The following CNTN5 variants were observed in gnomAD, a reference collection of about 807,000 sequenced individuals.
The protein encoded by CNTN5 is contactin 5.
In CNTN5, 77 loss-of-function variants were observed where a neutral mutation model predicts 129.1. The observed-to-expected ratio is 0.60, with a 90% CI of 0.50 to 0.72. The LOEUF is 0.72. CNTN5 is among the 30% of genes least tolerant of loss of function. The pLI is 0.00. For synonymous variants in CNTN5, 509 were observed against 465.6 expected (o/e 1.09, Z -1.20); for missense variants, 1,478 against 1,328.8 (o/e 1.11, Z -1.75).
intron 1 of CNTN5, among the ~76,000 whole-genome samples, chr11:99,068,645 C>G (rs1865206072): frequency 6.6e-6 from 1 of 151,970 alleles, no homozygotes; most frequent in Non-Finnish European, 1.5e-5. Context: ...GCGAAGAGCC[C>G]CAGAGAAATT....
intron 3 of CNTN5, among the ~76,000 whole-genome samples, chr11:99,669,839 TC>T (rs1387085810): frequency 6.6e-6 from 1 of 152,158 alleles, no homozygotes; most frequent in Non-Finnish European, 1.5e-5. Context: ...TGACATTTTC[TC>T]ATTCAACACC....
In CNTN5 at chr11:99,409,273, G is replaced by C. The variant is rs141246817; in HGVS notation, c.-71+83789G>C. 7.1e-3 allele frequency among the ~76,000 whole-genome samples: 1,079 copies of C among 152,240 alleles called. 10 individuals carry two copies. Among genetic ancestry groups the C allele is most frequent in the Non-Finnish European group, 0.011 (731 of 68,004 alleles). ...AGGTCAGGAGATCGAGACCATCCAA[G>C]CTAACACGGTGAAACCGCATCTCTA... is the stretch of plus-strand genomic sequence containing the variant. On this transcript the variant is annotated intron_variant, in intron 2 of 24. Transcript: ENST00000524871.
chr11:100,090,457 CTCTT>C (rs1269888803), intron 13 of CNTN5, among the ~76,000 whole-genome samples: 31 of 94,310 alleles, frequency 3.3e-4, no homozygotes, highest in South Asian at 5.3e-4. Flanking sequence ...TCCTCTCTTT[CTCTT>C]TCTTTCTTTT....
chr11:99,045,184 T>A (rs1310938828), intron 1 of CNTN5, among the ~76,000 whole-genome samples: 1 of 152,186 alleles, frequency 6.6e-6, no homozygotes, highest in Admixed American at 6.5e-5. Context: ...GAAGATAAAA[T>A]CATTTTAATC....
chr11:100,041,222 C>T (rs926086380), intron 9 of CNTN5, among the ~76,000 whole-genome samples: 1 of 152,164 alleles, frequency 6.6e-6, no homozygotes, highest in Non-Finnish European at 1.5e-5. Flanking sequence ...TCTTCCTTGT[C>T]TAAATAACTC....
chr11:100,332,213 A>G (rs901967507), intron 21 of CNTN5, among the ~76,000 whole-genome samples: 1 of 152,118 alleles, frequency 6.6e-6, no homozygotes, highest in African/African-American at 2.4e-5. Flanking sequence ...ACACCTTTAC[A>G]TGCATAAACT....
intron 3 of CNTN5, among the ~76,000 whole-genome samples, chr11:99,680,723 C>T (rs1299667794): frequency 2.6e-5 from 4 of 151,500 alleles, no homozygotes; most frequent in Non-Finnish European, 5.9e-5. Flanking sequence ...AGGTTTTTAC[C>T]TTACTTTGCC....
intron 1 of CNTN5, among the ~76,000 whole-genome samples, chr11:99,274,427 T>A (rs1258366700): frequency 7.9e-5 from 12 of 151,662 alleles, no homozygotes; most frequent in Non-Finnish European, 1.5e-4. Flanking sequence ...TGCTTTAAAA[T>A]TTTTTGAGAA....
At chr11:99,934,975 C>G (rs1950282484) in intron 7 of CNTN5, among the ~76,000 whole-genome samples, 1 of 132,370 alleles carries the variant, frequency 7.6e-6, no homozygotes. Flanking sequence ...GTGATTAGTC[C>G]TAAAACAATA....
At chr11:99,700,384 C>A (rs1954466686) in intron 3 of CNTN5, among the ~76,000 whole-genome samples, 1 of 151,270 alleles carries the variant, frequency 6.6e-6, no homozygotes, top group South Asian at 2.1e-4. Flanking sequence ...GCATTTAGGG[C>A]AATTAAATAT....
intron 1 of CNTN5, among the ~76,000 whole-genome samples, chr11:99,141,908 G>A (rs1335441148): frequency 2.0e-5 from 3 of 152,100 alleles, no homozygotes; most frequent in Non-Finnish European, 2.9e-5. Context: ...ATTGCTTTAC[G>A]TGGCCAATTT....
At chr11:99,847,016 C>A (rs1434927337) in intron 6 of CNTN5, among the ~76,000 whole-genome samples, 1 of 152,020 alleles carries the variant, frequency 6.6e-6, no homozygotes, top group Non-Finnish European at 1.5e-5. Context: ...AATAAATAAC[C>A]CTCATAATAG....
At chr11:99,792,712 T>C (rs12280171) in intron 3 of CNTN5, among the ~76,000 whole-genome samples, 9,429 of 152,126 alleles carry the variant, frequency 0.062, 355 homozygotes, top group African/African-American at 0.099. Context: ...CAGCAGCTCC[T>C]CTTTATACAT....
intron 2 of CNTN5, among the ~76,000 whole-genome samples, chr11:99,341,103 G>A (rs1036194788): frequency 1.3e-5 from 2 of 152,046 alleles, no homozygotes; most frequent in African/African-American, 4.8e-5. Context: ...TTAGATAAAA[G>A]CCTAACAAGA....
chr11:100,006,515 T>A (rs1450603694), intron 9 of CNTN5, among the ~76,000 whole-genome samples: 1 of 152,160 alleles, frequency 6.6e-6, no homozygotes, highest in East Asian at 1.9e-4. Context: ...CTACACTAAC[T>A]CAAGAAACCC....
chr11:100,041,940 A>C (rs1942401429), intron 9 of CNTN5, among the ~76,000 whole-genome samples: 1 of 152,202 alleles, frequency 6.6e-6, no homozygotes, highest in Admixed American at 6.5e-5. Flanking sequence ...GTTCTGAGTC[A>C]AGAATCAGAA....
chr11:99,419,008 A>G (rs1435650378), intron 2 of CNTN5, among the ~76,000 whole-genome samples: 1 of 152,188 alleles, frequency 6.6e-6, no homozygotes, highest in African/African-American at 2.4e-5. Context: ...GTCCTCAACT[A>G]TAAAATGGGA....
intron 15 of CNTN5, among the ~76,000 whole-genome samples, chr11:100,204,384 A>G (rs1948871899): frequency 7.3e-6 from 1 of 136,594 alleles, no homozygotes; most frequent in Middle Eastern, 3.7e-3. Flanking sequence ...CTCTATATAG[A>G]TATCTATATA....
At chr11:99,422,516 TTTTATA>T (rs1355422054) in intron 2 of CNTN5, among the ~76,000 whole-genome samples, 5,262 of 100,106 alleles carry the variant, frequency 0.053, 184 homozygotes, top group African/African-American at 0.067. Context: ...TACTTTATAT[TTTTATA>T]TATATATATA....
Sources: allele counts gnomAD v4.1 joint callset (sites outside exome capture counted in the v4.1 genomes callset), GRCh38; gene constraint gnomAD v4.1.1; transcripts MANE v1.5; gene names NCBI Gene and HGNC (gene_info 2026-07-23, HGNC 2026-07-21).